The following NRXN1 variants were observed in gnomAD, a reference collection of about 807,000 sequenced individuals.
The protein encoded by NRXN1 is neurexin-1.
In NRXN1, 39 loss-of-function variants were observed where a neutral mutation model predicts 150.9. That is an observed-to-expected ratio of 0.26 (90% CI 0.20 to 0.34). NRXN1 has a LOEUF of 0.34. NRXN1 is among the 10% of genes least tolerant of loss of function. The pLI, the probability that NRXN1 is intolerant of heterozygous loss-of-function variation, is 1.00. For missense variants in NRXN1, 1,815 were observed against 1,949.9 expected, an observed-to-expected ratio of 0.93 and a Z score of 1.30; for synonymous variants, 924 against 757.0, an observed-to-expected ratio of 1.22 and a Z score of -3.62.
At chr2:49,956,299 A>C (rs1674930278) in intron 21 of NRXN1, among the ~76,000 whole-genome samples, 1 of 152,206 alleles carries the variant, frequency 6.6e-6, no homozygotes, top group Non-Finnish European at 1.5e-5. Flanking sequence ...GACAGAACCA[A>C]AGATGTTCTA....
At chr2:50,933,190 G>A (rs1688028386) in intron 2 of NRXN1, among the ~76,000 whole-genome samples, 1 of 152,054 alleles carries the variant, frequency 6.6e-6, no homozygotes, top group Non-Finnish European at 1.5e-5. Flanking sequence ...ATTTCTTGCT[G>A]TCTTTAAAAT....
At chr2:50,413,037 A>C (rs957239930) in intron 17 of NRXN1, among the ~76,000 whole-genome samples, 1 of 152,214 alleles carries the variant, frequency 6.6e-6, no homozygotes, top group African/African-American at 2.4e-5. Flanking sequence ...AACTTTCATG[A>C]GGAATACACT....
chr2:50,172,389 T>C (rs1045436858), intron 18 of NRXN1, among the ~76,000 whole-genome samples: 14 of 152,134 alleles, frequency 9.2e-5, no homozygotes, highest in Non-Finnish European at 1.9e-4. Flanking sequence ...TGAAGGACTC[T>C]CTAGCTTGAT....
chr2:50,386,511 A>G (rs977539137), intron 17 of NRXN1, among the ~76,000 whole-genome samples: 2 of 152,162 alleles, frequency 1.3e-5, no homozygotes, highest in Non-Finnish European at 2.9e-5. Context: ...TGAAAGAGCA[A>G]AGTCATAATA....
At chr2:49,950,000 A>T (rs79715882) in intron 21 of NRXN1, among the ~76,000 whole-genome samples, 9,185 of 151,816 alleles carry the variant, frequency 0.061, 392 homozygotes, top group East Asian at 0.13. Context: ...AAAAAAAAAA[A>T]TTTTAACAGG....
At chr2:50,053,219 C>T (rs1693014845) in intron 21 of NRXN1, 52 bp downstream of exon 21, 7 of 1,586,326 alleles carry the variant, frequency 4.4e-6, no homozygotes, top group Admixed American at 3.3e-5. Flanking sequence ...GAAAAGCCCA[C>T]TATCATAAAT....
chr2:50,310,298 G>C (rs2075067454), intron 17 of NRXN1, among the ~76,000 whole-genome samples: 1 of 152,138 alleles, frequency 6.6e-6, no homozygotes, highest in Non-Finnish European at 1.5e-5. Context: ...GGAAATCCTA[G>C]GTCCTCTAAC....
chr2:50,389,886 T>C (rs573827630), intron 17 of NRXN1, among the ~76,000 whole-genome samples: 66 of 152,256 alleles, frequency 4.3e-4, no homozygotes, highest in Middle Eastern at 3.4e-3. Flanking sequence ...AAATACACCA[T>C]TGCTGGTTAT....
At chr2:50,212,865 T>A (rs1466130846) in intron 18 of NRXN1, among the ~76,000 whole-genome samples, 1 of 151,958 alleles carries the variant, frequency 6.6e-6, no homozygotes, top group Non-Finnish European at 1.5e-5. Flanking sequence ...GTCAGGTAGG[T>A]ACCAGTTGCA....
chr2:50,501,655 A>C (rs77330650), intron 13 of NRXN1, among the ~76,000 whole-genome samples: 4 of 149,448 alleles, frequency 2.7e-5, no homozygotes, highest in Non-Finnish European at 4.5e-5. Flanking sequence ...AAAAAAAAAA[A>C]CACAATTCTA....
intron 17 of NRXN1, among the ~76,000 whole-genome samples, chr2:50,309,574 C>T (rs745779599): frequency 6.6e-6 from 1 of 152,138 alleles, no homozygotes; most frequent in Non-Finnish European, 1.5e-5. Flanking sequence ...AAAATTCTGT[C>T]CTGGTTTTCT....
Position 50,747,010 on chromosome 2 carries a change from A to T in NRXN1, c.833-123395T>A, listed in dbSNP as rs190984083. ...TCCTGTTGACAAGTAAAGAGGGTGA[A>T]CTCTAAGAAGTATATTTAAATGCAA... On this transcript the variant is annotated intron_variant, in intron 5 of 22. Coordinates refer to ENST00000401669, the MANE Select transcript of NRXN1 (RefSeq NM_001330078.2). 3.6e-3 allele frequency among the ~76,000 whole-genome samples: 542 copies of T among 152,178 alleles called. 1 individual carries two copies. Among genetic ancestry groups the T allele is most frequent in the Non-Finnish European group, 6.4e-3 (434 of 68,010 alleles).
At chr2:49,995,650 G>A (rs985599870) in intron 21 of NRXN1, among the ~76,000 whole-genome samples, 5 of 151,440 alleles carry the variant, frequency 3.3e-5, no homozygotes, top group South Asian at 2.1e-4. Flanking sequence ...GCGTGGTGGC[G>A]GGTGTCTGTA....
chr2:50,257,932 A>G (rs1280384728), intron 17 of NRXN1, among the ~76,000 whole-genome samples: 1 of 152,006 alleles, frequency 6.6e-6, no homozygotes, highest in Non-Finnish European at 1.5e-5. Flanking sequence ...AAGGTTGTTT[A>G]TACTATAATG....
chr2:50,593,648 C>T (rs890436518), intron 8 of NRXN1, among the ~76,000 whole-genome samples: 4 of 152,134 alleles, frequency 2.6e-5, no homozygotes, highest in Non-Finnish European at 5.9e-5. Flanking sequence ...TTGTGTGATG[C>T]TATTTTATTT....
intron 2 of NRXN1, among the ~76,000 whole-genome samples, chr2:51,007,833 A>G (rs1255386414): frequency 6.6e-6 from 1 of 151,912 alleles, no homozygotes; most frequent in Non-Finnish European, 1.5e-5. Flanking sequence ...AAAAGTTTTC[A>G]TCTTAGGTAT....
At chr2:50,059,201 T>C (rs1218354148) in intron 19 of NRXN1, among the ~76,000 whole-genome samples, 3 of 152,090 alleles carry the variant, frequency 2.0e-5, no homozygotes, top group East Asian at 3.9e-4. Flanking sequence ...GAGGAACTTA[T>C]TGGGAACTGG....
In NRXN1 at chr2:50,354,592, C is replaced by G. The variant is rs998227392; in HGVS notation, c.3364+110850G>C. Among the ~76,000 whole-genome samples the G allele has an allele frequency of 2.8e-4, 29 of 102,926 alleles. 1 individual carries two copies. Among genetic ancestry groups the G allele is most frequent in the Admixed American group, 1.0e-4 (1 of 9,668 alleles). 67.5% of individuals were successfully genotyped at this position (102,926 alleles called of 152,430 possible). The stretch of plus-strand genomic sequence containing the variant: ...ATATATATATATATATATATACACA[C>G]ACACACTAGCTTTTTGCTGTTGTTT... On this transcript the variant is annotated intron_variant, in intron 17 of 22. Transcript: ENST00000401669.
chr2:49,926,438 T>TAATA (rs1669118873), intron 22 of NRXN1: 1 of 398,260 alleles, frequency 2.5e-6, no homozygotes, highest in Non-Finnish European at 4.4e-6. Context: ...TTTTGTTGTC[T>TAATA]AATATGTATT....
Sources: allele counts gnomAD v4.1 joint callset (sites outside exome capture counted in the v4.1 genomes callset), GRCh38; gene constraint gnomAD v4.1.1; transcripts MANE v1.5; gene names NCBI Gene and HGNC (gene_info 2026-07-23, HGNC 2026-07-21).